The following TCF12 variants were observed in gnomAD, a reference collection of about 807,000 sequenced individuals.
TCF12 encodes transcription factor 12.
In TCF12, 45 loss-of-function variants were observed where a neutral mutation model predicts 86.0. The ratio of observed to expected loss-of-function variants is 0.52; its 90% CI spans 0.41 to 0.67. The LOEUF is 0.67. TCF12 is among the 30% of genes least tolerant of loss of function. The pLI is 0.00. For missense variants in TCF12, 881 were observed against 859.9 expected (o/e 1.02, Z -0.31); for synonymous variants, 330 against 299.6 (o/e 1.10, Z -1.05).
At chr15:57,125,155 GCAGCCTGAC>G (rs1259954887) in intron 5 of TCF12, among the ~76,000 whole-genome samples, 6 of 152,178 alleles carry the variant, frequency 3.9e-5, no homozygotes, top group African/African-American at 1.4e-4. Flanking sequence ...CCCAGGTTCA[GCAGCCTGAC>G]CAGATCGTTA....
intron 5 of TCF12, among the ~76,000 whole-genome samples, chr15:57,148,010 C>A (rs2053481887): frequency 1.3e-5 from 2 of 151,298 alleles, no homozygotes. Context: ...CTTCGAATAG[C>A]TGGGAGTACA....
chr15:57,251,064 T>C (rs531594145), intron 13 of TCF12: 1 of 289,016 alleles, frequency 3.5e-6, no homozygotes, highest in East Asian at 6.8e-5. Flanking sequence ...TTTCTCAAGA[T>C]ACATAGGCAT....
At chr15:57,190,464 G>T (rs1211035411) in intron 6 of TCF12, among the ~76,000 whole-genome samples, 4 of 152,104 alleles carry the variant, frequency 2.6e-5, no homozygotes, top group Admixed American at 1.3e-4. Flanking sequence ...GCAGTAAGGG[G>T]TATTAAATAT....
At chr15:57,219,715 G>GTT in intron 8 of TCF12, 1 of 439,012 alleles carries the variant, frequency 2.3e-6, no homozygotes, top group Non-Finnish European at 3.7e-6. Context: ...TTAGATTGTA[G>GTT]ATTTCTTTTT....
chr15:56,998,558 C>A (rs1164352828), intron 3 of TCF12, among the ~76,000 whole-genome samples: 1 of 151,592 alleles, frequency 6.6e-6, no homozygotes, highest in Non-Finnish European at 1.5e-5. Flanking sequence ...AATATACATT[C>A]TTTCCAAGTA....
At chr15:57,208,293 A>G (rs2057937257) in intron 8 of TCF12, among the ~76,000 whole-genome samples, 1 of 151,460 alleles carries the variant, frequency 6.6e-6, no homozygotes, top group Admixed American at 6.6e-5. Flanking sequence ...CAGCCTCCCA[A>G]AGTGCTGGGA....
intron 3 of TCF12, among the ~76,000 whole-genome samples, chr15:57,040,901 T>C (rs2066855889): frequency 6.6e-6 from 1 of 152,210 alleles, no homozygotes; most frequent in South Asian, 2.1e-4. Flanking sequence ...TCTGCTTAAG[T>C]GCATATAGGC....
chr15:57,191,263 A>C (rs973951988), intron 6 of TCF12, among the ~76,000 whole-genome samples: 1 of 152,172 alleles, frequency 6.6e-6, no homozygotes, highest in Admixed American at 6.5e-5. Flanking sequence ...CAGGAGTTCA[A>C]GACCAGCCTG....
rs148468082 is a variant in TCF12 at position 57,171,926 on chromosome 15, C to T, written c.390+5460C>T. Reference sequence around the variant, plus strand: ...AAGCAAGTATTTATTCACATAGTTTCATAAGTTTTTCTCTAAGTGTTTAAA... The same window carrying T: ...AAGCAAGTATTTATTCACATAGTTTTATAAGTTTTTCTCTAAGTGTTTAAA... On this transcript the variant is annotated intron_variant, in intron 6 of 20. Coordinates refer to ENST00000333725, the MANE Select transcript of TCF12 (RefSeq NM_207037.2). Among the ~76,000 whole-genome samples the T allele has an allele frequency of 2.2e-4, 34 of 152,232 alleles. No individual in the cohort carries two copies. The East Asian group carries it at 3.7e-3, about 16-fold the overall frequency.
intron 5 of TCF12, among the ~76,000 whole-genome samples, chr15:57,122,272 G>C (rs2051293772): frequency 6.6e-6 from 1 of 151,248 alleles, no homozygotes; most frequent in Non-Finnish European, 1.5e-5. Flanking sequence ...CTTCATCAGA[G>C]CTTAAGCAAT....
chr15:57,141,245 T>G (rs2052940460), intron 5 of TCF12, among the ~76,000 whole-genome samples: 1 of 152,268 alleles, frequency 6.6e-6, no homozygotes, highest in Non-Finnish European at 1.5e-5. Context: ...TTTCTTACTA[T>G]GGCCCCAGAT....
chr15:57,195,076 T>C (rs1414431517), intron 7 of TCF12, among the ~76,000 whole-genome samples: 2 of 152,088 alleles, frequency 1.3e-5, no homozygotes, highest in Admixed American at 1.3e-4. Context: ...CTAATTTTTG[T>C]ATTTTTAGTA....
chr15:57,166,596 T>C, intron 6 of TCF12, 130 bp downstream of exon 6: 1 of 733,796 alleles, frequency 1.4e-6, no homozygotes, highest in East Asian at 3.2e-5. Flanking sequence ...CTAAGTGTTG[T>C]TTTTTGCTCT....
intron 3 of TCF12, among the ~76,000 whole-genome samples, chr15:56,993,245 AT>A (rs561871245): frequency 2.6e-5 from 4 of 151,890 alleles, no homozygotes; most frequent in Admixed American, 1.3e-4. Context: ...AAATTTTGTC[AT>A]TTTTTTTGTC....
intron 3 of TCF12, among the ~76,000 whole-genome samples, chr15:56,977,884 AGTTT>A (rs1472170454): frequency 2.0e-5 from 3 of 152,118 alleles, no homozygotes; most frequent in Admixed American, 1.3e-4. Context: ...TCATCCTCAG[AGTTT>A]TCAACTTACT....
intron 16 of TCF12, among the ~76,000 whole-genome samples, chr15:57,254,594 C>T (rs2060259395): frequency 6.6e-6 from 1 of 152,030 alleles, no homozygotes; most frequent in East Asian, 1.9e-4. Flanking sequence ...TGTCAGATGG[C>T]TCACACCTGT....
rs2061964704 is a variant in TCF12, at chr15:57,287,289, G to A, written c.*1144G>A. 1 of 152,694 alleles carries A rather than the reference G, an allele frequency of 6.5e-6. No individual in the cohort carries two copies. Among genetic ancestry groups the A allele is most frequent in the African/African-American group, 2.4e-5 (1 of 41,436 alleles). 9.5% of individuals were successfully genotyped at this position (152,694 alleles called of 1,614,324 possible). Reference sequence around the variant, plus strand: ...GTGATAAATGAACACACCACTCTGAGGCTAATTACCTAATGGAATACAAGA... The same window carrying A: ...GTGATAAATGAACACACCACTCTGAAGCTAATTACCTAATGGAATACAAGA... On this transcript the variant is annotated 3_prime_UTR_variant, in exon 21 of 21. Transcript: ENST00000333725.
intron 4 of TCF12, among the ~76,000 whole-genome samples, chr15:57,077,926 A>G (rs2070273847): frequency 6.6e-6 from 1 of 152,174 alleles, no homozygotes; most frequent in Non-Finnish European, 1.5e-5. Flanking sequence ...AAACTTAAAT[A>G]ACACATTTAT....
At chr15:57,023,050 A>T (rs2065593947) in intron 3 of TCF12, among the ~76,000 whole-genome samples, 1 of 152,188 alleles carries the variant, frequency 6.6e-6, no homozygotes, top group South Asian at 2.1e-4. Flanking sequence ...TATAAGAGAC[A>T]TTAAATGTCA....
Sources: gnomAD v4.1 joint callset for allele counts (sites outside exome capture counted in the v4.1 genomes callset) on GRCh38, gnomAD v4.1.1 for gene constraint, MANE v1.5 for transcripts, NCBI Gene and HGNC (gene_info 2026-07-23, HGNC 2026-07-21) for gene names.